The following C6orf120 variants were observed in gnomAD, a reference collection of about 807,000 sequenced individuals.
C6orf120 encodes the protein UPF0669 protein C6orf120.
For missense variants in C6orf120, 311 were observed against 264.2 expected (o/e 1.18, Z -1.23); for synonymous variants, 165 against 123.1 (o/e 1.34, Z -2.25).
downstream of C6orf120, chr6:169,705,864 G>GGAGTCTGCCTACAATGT (rs1788767169): frequency 3.5e-5 from 22 of 632,868 alleles, no homozygotes; most frequent in Admixed American, 1.4e-4. Context: ...AAACTTGACA[G>GGAGTCTGCCTACAATGT]GAGTCTGCCT....
chr6:169,704,958 A>C (rs931056892), downstream of C6orf120: 11 of 436,720 alleles, frequency 2.5e-5, no homozygotes, highest in African/African-American at 2.2e-4. Context: ...CTTTAGTTGG[A>C]ATTGTCTAGG....
At chr6:169,702,269 G>T (rs1211166835) in exon 1 of C6orf120, 1 of 691,634 alleles carries the variant, frequency 1.4e-6, no homozygotes, top group Non-Finnish European at 2.6e-6. Context: ...GCGCTACGGG[G>T]GAGGGGTTAA....
chr6:169,702,140 C>T (rs747664269), upstream of C6orf120: 1 of 594,288 alleles, frequency 1.7e-6, no homozygotes, highest in Non-Finnish European at 3.2e-6. Context: ...CCGCCTCCGG[C>T]GAGGCTCCGG....
chr6:169,706,281 G>A (rs143848302), downstream of C6orf120, among the ~76,000 whole-genome samples: 327 of 152,050 alleles, frequency 2.2e-3, no homozygotes, highest in African/African-American at 7.2e-3. Context: ...ACATTGGCGT[G>A]TACATAAACG....
chr6:169,705,474 G>T, downstream of C6orf120: 1 of 711,926 alleles, frequency 1.4e-6, no homozygotes. Flanking sequence ...GAAAACACAT[G>T]GGCTGTGTCT....
chr6:169,702,630 G>C (rs771742088), exon 1 of C6orf120: 10 of 1,613,388 alleles, frequency 6.2e-6, no homozygotes, highest in Non-Finnish European at 7.6e-6. Flanking sequence ...ACAGCTACCT[G>C]CGGCTGAACC....
chr6:169,702,982 C>T (rs989602113), exon 1 of C6orf120: 82 of 1,594,970 alleles, frequency 5.1e-5, no homozygotes, highest in Non-Finnish European at 6.9e-5. Context: ...GGAATCTGTT[C>T]TCTGGACGAT....
downstream of C6orf120, chr6:169,704,863 T>C (rs968849900): frequency 2.4e-5 from 8 of 330,406 alleles, no homozygotes; most frequent in Non-Finnish European, 4.6e-5. Context: ...TTTGTTACTT[T>C]AGTATTTCAG....
chr6:169,703,741 G>A (rs1276202045), exon 1 of C6orf120: 1 of 450,554 alleles, frequency 2.2e-6, no homozygotes, highest in Admixed American at 4.5e-5. Flanking sequence ...TTGGGGCTAT[G>A]GAGAAACAGT....
downstream of C6orf120, chr6:169,705,763 G>A (rs1788763131): frequency 1.0e-6 from 1 of 981,926 alleles, no homozygotes; most frequent in African/African-American, 1.6e-5. Flanking sequence ...CATGCCAGAA[G>A]AGCTTACTAT....
At chr6:169,704,723 G>A (rs1788712870) in exon 1 of C6orf120, 1 of 172,948 alleles carries the variant, frequency 5.8e-6, no homozygotes, top group African/African-American at 2.4e-5. Flanking sequence ...ATTCAACTCT[G>A]TTCTAAAGTT....
At chr6:169,702,996 A>C in exon 1 of C6orf120, 1 of 1,578,748 alleles carries the variant, frequency 6.3e-7, no homozygotes, top group Non-Finnish European at 8.6e-7. Context: ...GGACGATATT[A>C]ATTAGCATTT....
rs1788339603 is a variant in C6orf120 at position 169,702,354 on chromosome 6, C to T, written c.-106C>T. On this transcript the variant is annotated 5_prime_UTR_variant, in exon 1 of 1. Transcript: ENST00000332290. The stretch of plus-strand genomic sequence containing the variant: ...GCGACAGACCAGGCGCCTGGACGCG[C>T]CGTGGACCCGCGTGCGGACGGCGGG... The T allele has an allele frequency of 4.3e-6, 3 of 703,958 alleles. 1 individual carries two copies. The highest frequency in any genetic ancestry group is 7.0e-6 in the Non-Finnish European group (3 of 429,886). The allele number at this position is 703,958 out of a possible 1,614,324, so 43.6% of individuals were successfully genotyped here.
chr6:169,703,235 A>G lies in C6orf120; in HGVS notation c.*200A>G. ...GCAAGCACAGTATTTTAAAGATCAT[A>G]ATTCCTATAAAAGGACTGTGCACAA... On this transcript the variant is annotated 3_prime_UTR_variant, in exon 1 of 1. Transcript: ENST00000332290. The G allele has an allele frequency of 6.4e-6, 4 of 624,526 alleles. No homozygotes were observed. The East Asian group carries it at 1.1e-4, about 17-fold the overall frequency. 38.7% of individuals were successfully genotyped at this position (624,526 alleles called of 1,614,324 possible). A position where few individuals can be genotyped will look rare whatever the true frequency, so the allele number is the denominator to read the frequency against.
At chr6:169,702,546 C>T in exon 1 of C6orf120, 2 of 1,612,316 alleles carry the variant, frequency 1.2e-6, no homozygotes, top group Non-Finnish European at 8.5e-7. Context: ...CGGGAAGCTG[C>T]GCGGACGAGG....
chr6:169,703,957 A>G (rs1241424341), exon 1 of C6orf120: 7 of 1,397,454 alleles, frequency 5.0e-6, no homozygotes, highest in Admixed American at 5.0e-5. Context: ...AATGGCACCA[A>G]ATATTCCACT....
At chr6:169,702,686 C>G (rs866493031) in exon 1 of C6orf120, 2 of 1,613,352 alleles carry the variant, frequency 1.2e-6, no homozygotes, top group Non-Finnish European at 1.7e-6. Context: ...AAGGGAGATG[C>G]GGATCTGTAC....
At chr6:169,702,362 C>T (rs1202948214) in exon 1 of C6orf120, 6 of 742,814 alleles carry the variant, frequency 8.1e-6, no homozygotes, top group African/African-American at 7.1e-5. Flanking sequence ...CGCCGTGGAC[C>T]CGCGTGCGGA....
downstream of C6orf120, chr6:169,705,215 GT>G: frequency 6.2e-7 from 1 of 1,613,724 alleles, no homozygotes; most frequent in Non-Finnish European, 8.5e-7. Flanking sequence ...CTTCTTCATG[GT>G]GGGGTTGTCC....
Sources: gnomAD v4.1 joint callset for allele counts (sites outside exome capture counted in the v4.1 genomes callset) on GRCh38, gnomAD v4.1.1 for gene constraint, MANE v1.5 for transcripts, NCBI Gene and HGNC (gene_info 2026-07-23, HGNC 2026-07-21) for gene names.